Variants in HPCAL4 observed in about 807,000 individuals in gnomAD.
The protein encoded by HPCAL4 is hippocalcin like 4, also known as hippocalcin-like protein 4.
Under a neutral mutation model 18.2 loss-of-function variants are expected in HPCAL4, and 16 were observed. The ratio of observed to expected loss-of-function variants is 0.88; its 90% CI spans 0.59 to 1.33. HPCAL4 has a LOEUF of 1.33. HPCAL4 is among the 40% of genes most tolerant of loss of function. HPCAL4 has a pLI of 0.00. For synonymous variants in HPCAL4, 80 were observed against 97.5 expected (o/e 0.82, Z 1.06); for missense variants, 214 against 256.6 (o/e 0.83, Z 1.14).
rs1264308099 is a variant in HPCAL4, at chr1:39,681,110, T to C, written c.*1426A>G. 6.6e-6 allele frequency: 1 copy of C among 152,524 alleles called. No homozygotes were observed. Among genetic ancestry groups the C allele is most frequent in the Admixed American group, 6.5e-5 (1 of 15,282 alleles). 9.4% of individuals were successfully genotyped at this position (152,524 alleles called of 1,614,324 possible). ...TTCCGGCAGTCAAAGCATGCAGCTG[T>C]ATAGCTCATGGATCCAAAATTGGGA... On this transcript the variant is annotated 3_prime_UTR_variant, in exon 4 of 4. Coordinates refer to ENST00000372844, the MANE Select transcript of HPCAL4 (RefSeq NM_016257.4).
chr1:39,689,460 C>T (rs1646701519), intron 1 of HPCAL4, among the ~76,000 whole-genome samples: 1 of 152,198 alleles, frequency 6.6e-6, no homozygotes, highest in Non-Finnish European at 1.5e-5. Flanking sequence ...CTATCACACC[C>T]ACTTCAGAGA....
At chr1:39,684,701 G>C in intron 1 of HPCAL4, 90 bp from the exon 2 acceptor site, 1 of 1,153,118 alleles carries the variant, frequency 8.7e-7, no homozygotes, top group Non-Finnish European at 1.2e-6. Flanking sequence ...CACAGGGCGG[G>C]GTTGCAGGTT....
intron 1 of HPCAL4, among the ~76,000 whole-genome samples, chr1:39,687,439 C>G (rs887975882): frequency 6.6e-6 from 1 of 152,206 alleles, no homozygotes; most frequent in Non-Finnish European, 1.5e-5. Flanking sequence ...TGAGAGTCAG[C>G]ATGAGGGGCT....
chr1:39,682,240 C>T lies in HPCAL4; in HGVS notation c.*296G>A, dbSNP rs576238399. Reference sequence around the variant, plus strand: ...CCTAACCAGAACCCCAGGCCCCCAACTCCTTAACCTCACCTCCTGGGGCAA... The same window carrying T: ...CCTAACCAGAACCCCAGGCCCCCAATTCCTTAACCTCACCTCCTGGGGCAA... On this transcript the variant is annotated 3_prime_UTR_variant, in exon 4 of 4. Coordinates refer to ENST00000372844, the MANE Select transcript of HPCAL4 (RefSeq NM_016257.4). The T allele has an allele frequency of 1.0e-5, 4 of 392,016 alleles. No individual in the cohort carries two copies. In the South Asian group the frequency reaches 1.2e-4, roughly 12 times the overall value. The allele number at this position is 392,016 out of a possible 1,614,324, so 24.3% of individuals were successfully genotyped here. A position where few individuals can be genotyped will look rare whatever the true frequency, so the allele number is the denominator to read the frequency against.
chr1:39,684,168 T>A lies in HPCAL4; in HGVS notation c.163-16A>T. 1 of 1,584,372 alleles carries A rather than the reference T, an allele frequency of 6.3e-7. No individual in the cohort carries two copies. The highest frequency in any genetic ancestry group is 8.6e-7 in the Non-Finnish European group (1 of 1,157,766). On this transcript the variant is annotated splice_polypyrimidine_tract_variant and intron_variant, in intron 2 of 3. Coordinates refer to ENST00000372844, the MANE Select transcript of HPCAL4 (RefSeq NM_016257.4). ...AGGGGAAGAACTGAGGGGGGTGCGG[T>A]GGGTTGGGGCGCAGCGACAGCCCCG...
In HPCAL4 at chr1:39,684,114, G is replaced by A. The variant is rs371425492; in HGVS notation, c.201C>T (p.His67=). ...PYGDASKFAQ[H]AFRTFDKNGD... Reference sequence around the variant, plus strand: ...CGTTCTTGTCGAAGGTGCGGAAAGCGTGCTGCGCGAACTTGGAGGCGTCGC... The same window carrying A: ...CGTTCTTGTCGAAGGTGCGGAAAGCATGCTGCGCGAACTTGGAGGCGTCGC... Residue 67 remains histidine (H), a synonymous_variant, in exon 3 of 4, where the codon CAC becomes CAT. Coordinates refer to ENST00000372844, the MANE Select transcript of HPCAL4 (RefSeq NM_016257.4). 2 of 1,613,790 alleles carry A rather than the reference G, an allele frequency of 1.2e-6. No homozygotes were observed. The highest frequency in any genetic ancestry group is 1.7e-6 in the Non-Finnish European group (2 of 1,179,890).
intron 1 of HPCAL4, 113 bp from the exon 2 acceptor site, chr1:39,684,724 G>C: frequency 1.2e-6 from 1 of 866,254 alleles, no homozygotes. Context: ...TTCCCCTCAT[G>C]ACACTCCCCC....
intron 1 of HPCAL4, among the ~76,000 whole-genome samples, chr1:39,688,565 C>T (rs1646694971): frequency 6.6e-6 from 1 of 152,092 alleles, no homozygotes; most frequent in Non-Finnish European, 1.5e-5. Context: ...TCTTTTGATT[C>T]CTCTGTTAGG....
Position 39,682,453 on chromosome 1 carries a change from T to C in HPCAL4, c.*83A>G. The C allele has an allele frequency of 7.2e-7, 1 of 1,380,464 alleles. No homozygotes were observed. Among genetic ancestry groups the C allele is most frequent in the Non-Finnish European group, 1.0e-6 (1 of 982,374 alleles). 85.5% of individuals were successfully genotyped at this position (1,380,464 alleles called of 1,614,324 possible). The stretch of plus-strand genomic sequence containing the variant: ...GAGAGGGGGGCTGGAGTGTCCCTCC[T>C]CCTGGGAGGCCAGCCAGAGAGGTCA... On this transcript the variant is annotated 3_prime_UTR_variant, in exon 4 of 4. Transcript: ENST00000372844.
rs966098671 is a variant in HPCAL4, at chr1:39,680,830, G to C, written c.*1706C>G. On this transcript the variant is annotated 3_prime_UTR_variant, in exon 4 of 4. Transcript: ENST00000372844. ...AAGCTCTATTGATCAGCATCCCCCA[G>C]AGTTTTCACCTGCAGAGAAGCAGGA... The C allele has an allele frequency of 9.8e-5, 15 of 152,562 alleles. No homozygotes were observed. The highest frequency in any genetic ancestry group is 3.6e-4 in the African/African-American group (15 of 41,450). The allele number at this position is 152,562 out of a possible 1,614,324, so 9.5% of individuals were successfully genotyped here. A position where few individuals can be genotyped will look rare whatever the true frequency, so the allele number is the denominator to read the frequency against.
chr1:39,688,691 C>T lies in HPCAL4; in HGVS notation c.-9+2615G>A, dbSNP rs567378939. On this transcript the variant is annotated intron_variant, in intron 1 of 3. Coordinates refer to ENST00000372844, the MANE Select transcript of HPCAL4 (RefSeq NM_016257.4). ...CTGGTCTCAAAGTGCCCACCTATCT[C>T]GCCTCAGCTCTCATTGCTCACTCAC... Among the ~76,000 whole-genome samples, 19 of 152,326 alleles carry T rather than the reference C, an allele frequency of 1.2e-4. No homozygotes were observed. The East Asian group carries it at 2.5e-3, about 20-fold the overall frequency.
At chr1:39,685,093 C>G (rs1263680529) in intron 1 of HPCAL4, among the ~76,000 whole-genome samples, 4 of 152,242 alleles carry the variant, frequency 2.6e-5, no homozygotes, top group Non-Finnish European at 5.9e-5. Flanking sequence ...TTCTCTCCCT[C>G]TTTCCTCTAT....
In HPCAL4 at chr1:39,680,464, A is replaced by G. The variant is rs1452294762; in HGVS notation, c.*2072T>C. 1 of 152,226 alleles carries G rather than the reference A, an allele frequency of 6.6e-6. No homozygotes were observed. Among genetic ancestry groups the G allele is most frequent in the Non-Finnish European group, 1.5e-5 (1 of 68,042 alleles). The allele number at this position is 152,226 out of a possible 1,614,324, so 9.4% of individuals were successfully genotyped here. ...CTAGATTCAGCATTTGCAGGGAAGG[A>G]ACCTCACTTAGTGAAAAGCTTTTCA... On this transcript the variant is annotated 3_prime_UTR_variant, in exon 4 of 4. Transcript: ENST00000372844.
rs772834008 is a variant in HPCAL4, at chr1:39,682,697, G to A, written c.415C>T (p.Arg139Cys). 2.0e-5 allele frequency: 32 copies of A among 1,614,150 alleles called. No homozygotes were observed. Among genetic ancestry groups the A allele is most frequent in the African/African-American group, 1.1e-4 (8 of 75,050 alleles). ...GGCGTGAGCCCGTCCTGGTTCATGCGCATCATGATCACGGTGCCCACCATC... is the reference window on the plus strand; with the variant it reads ...GGCGTGAGCCCGTCCTGGTTCATGCACATCATGATCACGGTGCCCACCATC... ...YKMVGTVIMM[R>C]MNQDGLTPQQ... Residue 139 changes from arginine (R) to cysteine (C), a missense_variant, in exon 4 of 4, where the codon CGC becomes TGC. Physicochemically the swap from Arg to Cys is radical, Grantham distance 180. Transcript: ENST00000372844.
chr1:39,682,662 A>G lies in HPCAL4; in HGVS notation c.450T>C (p.Arg150=). The G allele has an allele frequency of 6.2e-7, 1 of 1,614,184 alleles. No individual in the cohort carries two copies. Among genetic ancestry groups the G allele is most frequent in the Non-Finnish European group, 8.5e-7 (1 of 1,180,024 alleles). The change falls in exon 4 of 4, where the codon CGT becomes CGC. Residue 150 remains arginine, a synonymous_variant. Coordinates refer to ENST00000372844, the MANE Select transcript of HPCAL4 (RefSeq NM_016257.4). The part of the protein sequence containing the change: ...MNQDGLTPQQ[R]VDKIFKKMDQ... ...CCATCTTCTTGAAGATCTTGTCCAC[A>G]CGCTGCTGGGGCGTGAGCCCGTCCT...
intron 1 of HPCAL4, among the ~76,000 whole-genome samples, chr1:39,687,887 A>T (rs1407971872): frequency 6.7e-6 from 1 of 148,846 alleles, no homozygotes; most frequent in African/African-American, 2.5e-5. Flanking sequence ...TGGGCAACAG[A>T]GCAAGACCCT....
chr1:39,683,822 G>T, intron 3 of HPCAL4, 115 bp downstream of exon 3: 1 of 883,172 alleles, frequency 1.1e-6, no homozygotes, highest in Non-Finnish European at 1.8e-6. Context: ...TAGGAGGCGG[G>T]ATCGCAGGCT....
Position 39,684,466 on chromosome 1 carries a change from C to T in HPCAL4, c.138G>A (p.Glu46=). The change falls in exon 2 of 4, where the codon GAG becomes GAA. Residue 46 remains glutamate (E), a synonymous_variant. Transcript: ENST00000372844. ...CCTTGATGTAGAGCTGCTGAAACTC[C>T]TCCAGGTTGAGGATGCCGCTGGGGC... The part of the protein sequence containing the change: ...KDCPSGILNL[E]EFQQLYIKFF... 2 of 1,610,366 alleles carry T rather than the reference C, an allele frequency of 1.2e-6. No homozygotes were observed. The highest frequency in any genetic ancestry group is 1.3e-5 in the African/African-American group (1 of 74,892).
chr1:39,683,975 C>T lies in HPCAL4; in HGVS notation c.340G>A (p.Gly114Arg), dbSNP rs1202378709. ...AFEMYDLDGDGRITRLEMLEI... is the reference protein window; with the variant it reads ...AFEMYDLDGDRRITRLEMLEI... ...AGCATCTCCAGGCGCGTGATGCGCC[C>T]GTCGCCGTCCAGGTCGTACATCTCA... The change falls in exon 3 of 4, where the codon GGG becomes AGG. Residue 114 changes from glycine (G) to arginine (R), a missense_variant. Coordinates refer to ENST00000372844, the MANE Select transcript of HPCAL4 (RefSeq NM_016257.4). 1 of 1,613,836 alleles carries T rather than the reference C, an allele frequency of 6.2e-7. No homozygotes were observed. The highest frequency in any genetic ancestry group is 2.2e-5 in the East Asian group (1 of 44,866).
Sources: gnomAD v4.1 joint callset for allele counts (sites outside exome capture counted in the v4.1 genomes callset) on GRCh38, gnomAD v4.1.1 for gene constraint, MANE v1.5 for transcripts, NCBI Gene and HGNC (gene_info 2026-07-23, HGNC 2026-07-21) for gene names.